The following COL4A5 variants were observed in gnomAD, a reference collection of about 807,000 sequenced individuals.
COL4A5 encodes the protein collagen alpha-5(IV) chain.
A neutral mutation model predicts 130.2 loss-of-function variants in COL4A5; 26 were observed. The observed-to-expected ratio is 0.20, with a 90% CI of 0.15 to 0.28. The LOEUF (loss-of-function observed/expected upper bound fraction) is 0.28, where lower values mean the gene tolerates loss of function less well. Ranked by LOEUF, COL4A5 falls within the 10% of genes least tolerant of loss-of-function variation. The pLI, the probability that COL4A5 is intolerant of heterozygous loss-of-function variation, is 1.00. For missense variants in COL4A5, 1,131 were observed against 1,344.3 expected, an observed-to-expected ratio of 0.84 and a Z score of 2.48; for synonymous variants, 496 against 439.6, an observed-to-expected ratio of 1.13 and a Z score of -1.60.
intron 1 of COL4A5, among the ~76,000 whole-genome samples, chrX:108,513,579 G>A (rs1317762404): frequency 9.0e-6 from 1 of 111,190 alleles, no homozygotes; most frequent in Non-Finnish European, 1.9e-5. Context: ...ATGTCAATTG[G>A]GTTGTTTGTA....
chrX:108,626,796 C>T (rs903151844), intron 36 of COL4A5: 8 of 783,487 alleles, frequency 1.0e-5, no homozygotes, highest in Non-Finnish European at 1.2e-5. Context: ...TTACAATTCC[C>T]TCTACTTCTC....
intron 3 of COL4A5, among the ~76,000 whole-genome samples, chrX:108,563,472 T>C (rs1315782746): frequency 8.9e-6 from 1 of 111,778 alleles, no homozygotes; most frequent in Admixed American, 9.6e-5. Context: ...ATATTTAGGC[T>C]CAGAGATGAT....
intron 36 of COL4A5, chrX:108,626,707 CTT>C (rs1295659061): frequency 2.2e-6 from 2 of 914,718 alleles, no homozygotes; most frequent in African/African-American, 4.1e-5. Flanking sequence ...TTTGAAAAGA[CTT>C]ATAAACAAAG....
chrX:108,674,777 C>CTTTTTT (rs200814705), intron 43 of COL4A5, 24 bp downstream of exon 43: 4 of 980,979 alleles, frequency 4.1e-6, no homozygotes, highest in Admixed American at 3.7e-5. Flanking sequence ...CTGGTCAATT[C>CTTTTTT]TTTTTTTTTT....
rs765515477 is a variant in COL4A5 at position 108,620,278 on chromosome X, A to G, written c.2529A>G (p.Gly843=). 2.1e-5 allele frequency: 25 copies of G among 1,206,257 alleles called. No individual in the cohort carries two copies. The highest frequency in any genetic ancestry group is 2.5e-5 in the Non-Finnish European group (22 of 892,604). ...AACTAGGTTTACATGGAATACCAGG[A>G]GAGAAGGGGGATCCAGGACCTCCTG... ...IGQPGLHGIP[G]EKGDPGPPGL... is the part of the protein sequence containing the mutation. The change falls in exon 31 of 53, where the codon GGA becomes GGG. Residue 843 remains glycine, a synonymous_variant. Coordinates refer to ENST00000328300, the MANE Select transcript of COL4A5 (RefSeq NM_033380.3).
chrX:108,508,253 C>A (rs1331329606), intron 1 of COL4A5, among the ~76,000 whole-genome samples: 3 of 110,431 alleles, frequency 2.7e-5, no homozygotes, highest in African/African-American at 9.9e-5. Context: ...ACAGCCACAC[C>A]AAGAGCCGAA....
intron 1 of COL4A5, among the ~76,000 whole-genome samples, chrX:108,469,807 C>T (rs1014586834): frequency 9.0e-6 from 1 of 111,284 alleles, no homozygotes; most frequent in African/African-American, 3.3e-5. Context: ...TCTAGTAGTC[C>T]CCAGTGTTTA....
chrX:108,677,655 C>T (rs1392418541), intron 44 of COL4A5, 22 bp downstream of exon 44: 3 of 1,203,721 alleles, frequency 2.5e-6, no homozygotes, highest in East Asian at 3.0e-5. Flanking sequence ...AAGTAGATAT[C>T]TGATGAGAGA....
intron 12 of COL4A5, 39 bp from the exon 13 acceptor site, chrX:108,578,252 A>G (rs752300152): frequency 1.8e-6 from 2 of 1,134,036 alleles, no homozygotes; most frequent in Admixed American, 2.2e-5. Context: ...TGTGGAGATT[A>G]TGAAGTATCA....
intron 30 of COL4A5, among the ~76,000 whole-genome samples, chrX:108,618,106 A>G (rs1320421946): frequency 1.8e-5 from 2 of 111,283 alleles, no homozygotes; most frequent in Non-Finnish European, 3.8e-5. Context: ...GAACATCAGT[A>G]TATCCCTATA....
chrX:108,502,342 A>G (rs1316867716), intron 1 of COL4A5, among the ~76,000 whole-genome samples: 1 of 111,053 alleles, frequency 9.0e-6, no homozygotes, highest in East Asian at 2.8e-4. Context: ...CTGCAGTGCA[A>G]TGGCGCAATC....
intron 1 of COL4A5, among the ~76,000 whole-genome samples, chrX:108,512,004 T>C (rs2065183615): frequency 9.0e-6 from 1 of 111,638 alleles, no homozygotes; most frequent in African/African-American, 3.3e-5. Context: ...TCTGTGAATA[T>C]ACTGAAAACC....
At chrX:108,671,329 A>AT (rs2068203322) in intron 42 of COL4A5, among the ~76,000 whole-genome samples, 1 of 111,537 alleles carries the variant, frequency 9.0e-6, no homozygotes, top group African/African-American at 3.3e-5. Flanking sequence ...ATGGCAGGAC[A>AT]TTTTTTCATC....
chrX:108,531,586 G>GA (rs1199605724), intron 1 of COL4A5, among the ~76,000 whole-genome samples: 4 of 108,641 alleles, frequency 3.7e-5, no homozygotes, highest in African/African-American at 1.3e-4. Context: ...GTTAGCAGAA[G>GA]AAAAAAAATA....
intron 1 of COL4A5, among the ~76,000 whole-genome samples, chrX:108,473,631 A>ATTTTTTTTTTTTT (rs1406126217): frequency 7.6e-5 from 2 of 26,469 alleles, no homozygotes; most frequent in African/African-American, 2.7e-4. Context: ...ATATATATAT[A>ATTTTTTTTTTTTT]TATTTTTTTT....
chrX:108,458,626 A>G (rs1282091097), intron 1 of COL4A5, among the ~76,000 whole-genome samples: 1 of 111,698 alleles, frequency 9.0e-6, no homozygotes, highest in Non-Finnish European at 1.9e-5. Context: ...TTTGGGAAAA[A>G]TGATGTCTTA....
intron 1 of COL4A5, among the ~76,000 whole-genome samples, chrX:108,445,716 C>G (rs983977334): frequency 9.0e-6 from 1 of 111,585 alleles, no homozygotes. Context: ...TGATTAAAGT[C>G]CCTTTTGAAG....
chrX:108,584,621 A>G, intron 18 of COL4A5, 96 bp downstream of exon 18: 1 of 744,316 alleles, frequency 1.3e-6, no homozygotes. Context: ...TCTTGATAGA[A>G]CACAAAATTT....
intron 1 of COL4A5, among the ~76,000 whole-genome samples, chrX:108,513,697 A>T (rs1165212579): frequency 1.8e-5 from 2 of 111,684 alleles, no homozygotes; most frequent in African/African-American, 6.5e-5. Flanking sequence ...GCTTATTCAT[A>T]TTAATAATTG....
Sources: allele counts gnomAD v4.1 joint callset (sites outside exome capture counted in the v4.1 genomes callset), GRCh38; gene constraint gnomAD v4.1.1; transcripts MANE v1.5; gene names NCBI Gene and HGNC (gene_info 2026-07-23, HGNC 2026-07-21).